The following UBE2O variants were observed in gnomAD, a reference collection of about 807,000 sequenced individuals.
UBE2O encodes ubiquitin conjugating enzyme E2 O, also known as (E3-independent) E2 ubiquitin-conjugating enzyme.
UBE2O carries 15 observed loss-of-function variants against 125.8 expected under a neutral mutation model. The ratio of observed to expected loss-of-function variants is 0.12; its 90% CI spans 0.08 to 0.18. The LOEUF (loss-of-function observed/expected upper bound fraction) is 0.18. UBE2O is among the 10% of genes least tolerant of loss of function. UBE2O has a pLI of 1.00. For missense variants in UBE2O, 1,280 were observed against 1,723.6 expected, an observed-to-expected ratio of 0.74 and a Z score of 4.56; for synonymous variants, 708 against 703.2, an observed-to-expected ratio of 1.01 and a Z score of -0.11.
In UBE2O at chr17:76,396,168, G is replaced by A. The variant is rs76110889; in HGVS notation, c.2769C>T (p.Ser923=). Residue 923 remains serine, a synonymous_variant, in exon 14 of 18, where the codon AGC becomes AGT. Coordinates refer to ENST00000319380, the MANE Select transcript of UBE2O (RefSeq NM_022066.4). The surrounding 1 kb of genome is among the most constrained non-coding windows in gnomAD (Gnocchi z 6.7). ...CGGKPGVTFT[S]AKGEVFSVLE... ...GTACGGAGAAGACCTCGCCCTTGGC[G>A]CTGGTGAAGGTGACGCCAGGCTTGC... 0.011 allele frequency: 18,298 copies of A among 1,613,352 alleles called. 105 individuals are homozygous for A. Among genetic ancestry groups the A allele is most frequent in the Non-Finnish European group, 0.014 (16,887 of 1,179,548 alleles).
At chr17:76,431,379 G>A (rs2072904136) in intron 1 of UBE2O, among the ~76,000 whole-genome samples, 1 of 152,124 alleles carries the variant, frequency 6.6e-6, no homozygotes, top group South Asian at 2.1e-4. Context: ...AGCTGGGCGT[G>A]CTGGTGCACG....
chr17:76,442,279 C>T (rs540485027), intron 1 of UBE2O, among the ~76,000 whole-genome samples: 40 of 152,294 alleles, frequency 2.6e-4, no homozygotes, highest in African/African-American at 7.9e-4. Context: ...GATGCCCATA[C>T]GTCCCAGTCC....
chr17:76,403,581 G>C (rs1029716835), intron 3 of UBE2O, among the ~76,000 whole-genome samples: 3 of 152,042 alleles, frequency 2.0e-5, no homozygotes, highest in African/African-American at 7.2e-5. Context: ...AACTCTGCCT[G>C]AACTCATATA....
intron 1 of UBE2O, among the ~76,000 whole-genome samples, chr17:76,448,040 G>A (rs1356559676): frequency 1.3e-5 from 2 of 152,164 alleles, no homozygotes; most frequent in African/African-American, 4.8e-5. Flanking sequence ...ACTTGGTCAA[G>A]GTCATTCAGA....
At chr17:76,423,504 T>C (rs1156495329) in intron 1 of UBE2O, among the ~76,000 whole-genome samples, 1 of 151,948 alleles carries the variant, frequency 6.6e-6, no homozygotes, top group Non-Finnish European at 1.5e-5. Flanking sequence ...CCATCCTGGC[T>C]AACATGGTGA....
rs548444104 is a variant in UBE2O, at chr17:76,402,588, T to C, written c.686+14A>G. 25 of 1,610,620 alleles carry C rather than the reference T, an allele frequency of 1.6e-5. No individual in the cohort carries two copies. In the Admixed American group the frequency reaches 2.0e-4, roughly 13 times the overall value. On this transcript the variant is annotated intron_variant, in intron 4 of 17. Transcript: ENST00000319380. This position sits in a 1 kb window ranked among gnomAD's most constrained non-coding sequence, Gnocchi z 5.4. ...CCTTCCCAAGCCGATGGCTCTCTGG[T>C]GGTGAGACTCTACCTGGCGCCGTTG...
intron 1 of UBE2O, among the ~76,000 whole-genome samples, chr17:76,417,335 CCCTAGACGAGGA>C (rs1298215481): frequency 2.0e-5 from 3 of 152,240 alleles, no homozygotes; most frequent in East Asian, 1.9e-4. Context: ...CAGGGCAGGT[CCCTAGACGAGGA>C]CCTCTTCCCT....
At chr17:76,397,738 G>A in intron 13 of UBE2O, 61 bp downstream of exon 13, 1 of 1,531,348 alleles carries the variant, frequency 6.5e-7, no homozygotes, top group Non-Finnish European at 9.0e-7. Flanking sequence ...ACACGCCTGT[G>A]GCCCCCGGCC....
At chr17:76,422,708 T>C (rs1013708611) in intron 1 of UBE2O, among the ~76,000 whole-genome samples, 6 of 152,340 alleles carry the variant, frequency 3.9e-5, no homozygotes, top group African/African-American at 1.4e-4. Context: ...CAGAAGGGCT[T>C]CTCTGGCCAC....
chr17:76,396,351 T>C lies in UBE2O; in HGVS notation c.2586A>G (p.Glu862=), dbSNP rs147222155. Residue 862 remains glutamate (E), a synonymous_variant, in exon 14 of 18, where the codon GAA becomes GAG. Transcript: ENST00000319380. The surrounding 1 kb of genome is among the most constrained non-coding windows in gnomAD (Gnocchi z 6.7). ...CATTGTCCAGGGTCTTCTTGAGGTT[T>C]TCCTGTAGCTTCTTGATGTCATCCA... ...KFLDDIKKLQ[E]NLKKTLDNVA... The C allele has an allele frequency of 1.9e-6, 3 of 1,614,238 alleles. No homozygotes were observed. The highest frequency in any genetic ancestry group is 2.5e-6 in the Non-Finnish European group (3 of 1,180,046).
chr17:76,425,234 A>C (rs1598609767), intron 1 of UBE2O, among the ~76,000 whole-genome samples: 3 of 61,638 alleles, frequency 4.9e-5, no homozygotes, highest in Non-Finnish European at 5.5e-5. Context: ...ACAAAAAAAA[A>C]AAAAAAAAAA....
intron 1 of UBE2O, among the ~76,000 whole-genome samples, chr17:76,429,058 T>G (rs1408830936): frequency 3.3e-5 from 5 of 151,764 alleles, no homozygotes; most frequent in Non-Finnish European, 7.4e-5. Flanking sequence ...CATGCCACCA[T>G]GCCCGGCTAA....
intron 1 of UBE2O, among the ~76,000 whole-genome samples, chr17:76,421,953 C>G (rs2072719601): frequency 6.6e-6 from 1 of 152,176 alleles, no homozygotes; most frequent in African/African-American, 2.4e-5. Context: ...AATGGATCTG[C>G]ATCCAGAGTG....
intron 1 of UBE2O, among the ~76,000 whole-genome samples, chr17:76,450,628 T>C (rs1567859782): frequency 6.6e-6 from 1 of 152,042 alleles, no homozygotes; most frequent in Non-Finnish European, 1.5e-5. Flanking sequence ...GTTTTTTTTT[T>C]CTTTTCTTTT....
chr17:76,401,456 C>T (rs925228144), intron 5 of UBE2O, among the ~76,000 whole-genome samples: 4 of 152,192 alleles, frequency 2.6e-5, no homozygotes, highest in South Asian at 4.1e-4. Context: ...TGCTCACGCA[C>T]CCCCTGTATA....
Position 76,395,682 on chromosome 17 carries a change from C to T in UBE2O, c.2946+43G>A, listed in dbSNP as rs1454953273. ...TTGGTGGCCTCTTGGGCACTGGGTG[C>T]CCACACAGCACATCTGCACCTGCCC... On this transcript the variant is annotated intron_variant, in intron 15 of 17. Transcript: ENST00000319380. This position sits in a 1 kb window ranked among gnomAD's most constrained non-coding sequence, Gnocchi z 5.0. 1 of 1,579,124 alleles carries T rather than the reference C, an allele frequency of 6.3e-7. No individual in the cohort carries two copies. The highest frequency in any genetic ancestry group is 8.6e-7 in the Non-Finnish European group (1 of 1,163,806).
rs1210492043 is a variant in UBE2O at position 76,391,274 on chromosome 17, T to C, written c.3548A>G (p.Gln1183Arg). The C allele has an allele frequency of 6.2e-7, 1 of 1,612,970 alleles. No homozygotes were observed. Among genetic ancestry groups the C allele is most frequent in the East Asian group, 2.2e-5 (1 of 44,874 alleles). Residue 1183 changes from glutamine (Q) to arginine (R), a missense_variant, in exon 18 of 18, where the codon CAA becomes CGA. By Grantham distance (43) the Gln-to-Arg change is conservative. Around this residue, in one of 10 missense-constraint regions of UBE2O, gnomAD observed 233 missense variants for 279.0 expected, o/e 0.84. Coordinates refer to ENST00000319380, the MANE Select transcript of UBE2O (RefSeq NM_022066.4). This position sits in a 1 kb window ranked among gnomAD's most constrained non-coding sequence, Gnocchi z 8.4. ...GGCTGGCCCTCCATCCTCAGGTTCT[T>C]GTTGGCCGGAGTCTGACAGCTCGGC... ...AVAELSDSGQ[Q>R]EPEDGGPAPG...
rs1023388955 is a variant in UBE2O, at chr17:76,424,498, C to T, written c.418-18926G>A. ...TGCTGGGATTACAGGCGTGAACCAC[C>T]GTGCCCAGCCCACTAGTATTTTTTA... On this transcript the variant is annotated intron_variant, in intron 1 of 17. Coordinates refer to ENST00000319380, the MANE Select transcript of UBE2O (RefSeq NM_022066.4). 6.6e-5 allele frequency among the ~76,000 whole-genome samples: 10 copies of T among 152,084 alleles called. No homozygotes were observed. The South Asian group carries it at 1.7e-3, about 25-fold the overall frequency.
chr17:76,428,777 G>A (rs1008247109), intron 1 of UBE2O, among the ~76,000 whole-genome samples: 1 of 152,156 alleles, frequency 6.6e-6, no homozygotes, highest in Non-Finnish European at 1.5e-5. Flanking sequence ...ATGTGATAAA[G>A]GGTGTGAAAC....
Sources: gnomAD v4.1 joint callset for allele counts (sites outside exome capture counted in the v4.1 genomes callset) on GRCh38, gnomAD v4.1.1 for gene constraint, gnomAD v4.1.1 regional missense constraint, Gnocchi (gnomAD v3.1) non-coding constraint, MANE v1.5 for transcripts, NCBI Gene and HGNC (gene_info 2026-07-23, HGNC 2026-07-21) for gene names.